Variants in GMDS observed in about 807,000 individuals in gnomAD.
GMDS encodes the protein GDP-mannose 4,6 dehydratase.
In GMDS, 20 loss-of-function variants were observed where a neutral mutation model predicts 49.9. That is an observed-to-expected ratio of 0.40 (90% CI 0.28 to 0.58). GMDS has a LOEUF of 0.58. GMDS is among the 20% of genes least tolerant of loss of function. The probability of loss-of-function intolerance (pLI) is 0.42; values close to 1 mark genes in which losing one functional copy is unlikely to be tolerated. For missense variants in GMDS, 362 were observed against 481.4 expected (o/e 0.75, Z 2.32); for synonymous variants, 177 against 178.6 (o/e 0.99, Z 0.07).
At chr6:1,847,994 A>G (rs1182330051) in intron 7 of GMDS, among the ~76,000 whole-genome samples, 2 of 152,132 alleles carry the variant, frequency 1.3e-5, no homozygotes, top group East Asian at 1.9e-4. Flanking sequence ...AAGCCAAACC[A>G]TGGGTGCTGG....
chr6:1,776,860 A>C (rs1439567113), intron 7 of GMDS, among the ~76,000 whole-genome samples: 21 of 152,170 alleles, frequency 1.4e-4, no homozygotes, highest in Non-Finnish European at 8.8e-5. Context: ...GGAAATGCGC[A>C]GATATACGGG....
chr6:2,092,803 A>C (rs1378415551), intron 4 of GMDS, among the ~76,000 whole-genome samples: 2 of 152,236 alleles, frequency 1.3e-5, no homozygotes, highest in Non-Finnish European at 2.9e-5. Context: ...AAAACAAAAA[A>C]TTCATGCAAA....
chr6:2,215,564 G>A (rs570406496), intron 1 of GMDS, among the ~76,000 whole-genome samples: 3 of 152,004 alleles, frequency 2.0e-5, no homozygotes, highest in Admixed American at 1.3e-4. Context: ...AATTCGAGAT[G>A]AGATTTGGGT....
intron 1 of GMDS, among the ~76,000 whole-genome samples, chr6:2,167,919 T>C (rs1038206420): frequency 5.3e-5 from 8 of 152,252 alleles, no homozygotes; most frequent in African/African-American, 1.9e-4. Flanking sequence ...CAGCAGGCAG[T>C]CAATAAGTAC....
intron 7 of GMDS, among the ~76,000 whole-genome samples, chr6:1,914,132 T>TTTG (rs10700604): frequency 7.2e-5 from 3 of 41,822 alleles, no homozygotes; most frequent in African/African-American, 6.3e-4. Flanking sequence ...TTTTTGTTTG[T>TTTG]TTTTTTTTTT....
chr6:1,637,071 GC>G (rs1561689903), intron 9 of GMDS, among the ~76,000 whole-genome samples: 3 of 152,236 alleles, frequency 2.0e-5, no homozygotes, highest in African/African-American at 4.8e-5. Flanking sequence ...GCCAGGCATG[GC>G]TCCAGGCAGC....
chr6:1,987,309 T>C (rs533435965), intron 4 of GMDS, among the ~76,000 whole-genome samples: 1 of 152,292 alleles, frequency 6.6e-6, no homozygotes, highest in South Asian at 2.1e-4. Flanking sequence ...TCTATTTATA[T>C]ACATACATTT....
intron 9 of GMDS, among the ~76,000 whole-genome samples, chr6:1,662,577 TGGGAG>T (rs999084973): frequency 5.9e-5 from 9 of 151,640 alleles, no homozygotes; most frequent in African/African-American, 2.2e-4. Context: ...GAGGTGGGAG[TGGGAG>T]GTCCAGGCCT....
chr6:2,051,871 C>A (rs1219854361), intron 4 of GMDS, among the ~76,000 whole-genome samples: 3 of 152,056 alleles, frequency 2.0e-5, no homozygotes, highest in East Asian at 3.9e-4. Context: ...GTAATGCCAG[C>A]ACTTTGGGAG....
chr6:1,844,126 A>G (rs1191383753), intron 7 of GMDS, among the ~76,000 whole-genome samples: 1 of 152,228 alleles, frequency 6.6e-6, no homozygotes, highest in Non-Finnish European at 1.5e-5. Flanking sequence ...GACAGATCGA[A>G]TTCCCATGAT....
At chr6:1,853,472 C>A (rs975738089) in intron 7 of GMDS, among the ~76,000 whole-genome samples, 2 of 141,558 alleles carry the variant, frequency 1.4e-5, no homozygotes, top group Non-Finnish European at 3.0e-5. Context: ...GAGCTGAGAT[C>A]GCGCCACTGC....
chr6:1,768,209 G>A (rs913413150), intron 7 of GMDS, among the ~76,000 whole-genome samples: 4 of 152,050 alleles, frequency 2.6e-5, no homozygotes, highest in African/African-American at 4.8e-5. Flanking sequence ...GTGTAAACAG[G>A]GGAATATCTA....
At chr6:1,814,325 T>C (rs1770565276) in intron 7 of GMDS, among the ~76,000 whole-genome samples, 1 of 152,200 alleles carries the variant, frequency 6.6e-6, no homozygotes, top group Non-Finnish European at 1.5e-5. Context: ...GCTTTTTGTT[T>C]TCTTTCTTTT....
chr6:1,936,897 G>A (rs1401519907), intron 6 of GMDS, among the ~76,000 whole-genome samples: 1 of 151,408 alleles, frequency 6.6e-6, no homozygotes, highest in Non-Finnish European at 1.5e-5. Flanking sequence ...AACCTGGGAG[G>A]TGGAGGTTGC....
intron 1 of GMDS, among the ~76,000 whole-genome samples, chr6:2,127,415 A>C (rs999554568): frequency 2.0e-5 from 3 of 152,194 alleles, no homozygotes; most frequent in Admixed American, 2.0e-4. Flanking sequence ...GTTTAAAAAA[A>C]AAAAAGCCAG....
chr6:1,856,054 CT>C (rs928773086), intron 7 of GMDS, among the ~76,000 whole-genome samples: 11 of 152,284 alleles, frequency 7.2e-5, no homozygotes, highest in South Asian at 2.1e-4. Flanking sequence ...TTTCAAATGG[CT>C]GAACAATGAA....
chr6:1,798,237 GCACACACACACACACACACA>G (rs70992103), intron 7 of GMDS, among the ~76,000 whole-genome samples: 11 of 143,336 alleles, frequency 7.7e-5, no homozygotes, highest in East Asian at 6.1e-4. Flanking sequence ...TAATTACAGA[GCACACACACACACACACACA>G]CACACACACA....
chr6:2,027,130 T>C (rs1768651452), intron 4 of GMDS, among the ~76,000 whole-genome samples: 1 of 152,174 alleles, frequency 6.6e-6, no homozygotes, highest in Non-Finnish European at 1.5e-5. Flanking sequence ...AAGAGGACCC[T>C]GGCTGGTACT....
chr6:2,005,584 G>A (rs772471509), intron 4 of GMDS, among the ~76,000 whole-genome samples: 4 of 152,214 alleles, frequency 2.6e-5, no homozygotes, highest in East Asian at 3.9e-4. Context: ...TCTGTCACTC[G>A]ACTCACTCTA....
Sources: gnomAD v4.1 joint callset for allele counts (sites outside exome capture counted in the v4.1 genomes callset) on GRCh38, gnomAD v4.1.1 for gene constraint, MANE v1.5 for transcripts, NCBI Gene and HGNC (gene_info 2026-07-23, HGNC 2026-07-21) for gene names.